ZC3H12B: variants seen among roughly 807,000 people sequenced by gnomAD.
The protein encoded by ZC3H12B is probable ribonuclease ZC3H12B.
In ZC3H12B, 7 loss-of-function variants were observed where a neutral mutation model predicts 43.9. That is an observed-to-expected ratio of 0.16 (90% CI 0.09 to 0.30). The LOEUF (loss-of-function observed/expected upper bound fraction) is 0.30, where lower values mean the gene tolerates loss of function less well. ZC3H12B is among the 10% of genes least tolerant of loss of function. ZC3H12B has a pLI of 1.00. For missense variants in ZC3H12B, 475 were observed against 670.2 expected (o/e 0.71, Z 3.22); for synonymous variants, 222 against 241.7 (o/e 0.92, Z 0.76).
chrX:65,044,742 C>T, the ZC3H12B span, among the ~76,000 whole-genome samples: 2 of 111,135 alleles, frequency 1.8e-5, no homozygotes, highest in Admixed American at 1.9e-4. Flanking sequence ...AGTCACACCT[C>T]AGATATTGCA....
the ZC3H12B span, among the ~76,000 whole-genome samples, chrX:65,181,882 C>A: frequency 8.9e-5 from 10 of 111,783 alleles, no homozygotes; most frequent in African/African-American, 2.9e-4. Flanking sequence ...TACCATATGA[C>A]CCAGCAATCT....
chrX:65,438,398 A>G (rs1408708171), intron 3 of ZC3H12B, among the ~76,000 whole-genome samples: 1 of 111,516 alleles, frequency 9.0e-6, no homozygotes, highest in Non-Finnish European at 1.9e-5. Flanking sequence ...TTCTTGCATC[A>G]ATGTTTTATA....
the ZC3H12B span, among the ~76,000 whole-genome samples, chrX:65,231,496 G>T: frequency 9.0e-6 from 1 of 110,598 alleles, no homozygotes; most frequent in African/African-American, 3.3e-5. Flanking sequence ...TATCTTAACC[G>T]CGTATCTCAA....
chrX:65,344,814 T>A, the ZC3H12B span, among the ~76,000 whole-genome samples: 1 of 112,346 alleles, frequency 8.9e-6, no homozygotes, highest in African/African-American at 3.2e-5. Context: ...AAACTATGCA[T>A]CTGACAAAGT....
At chrX:65,458,710 G>T (rs1018620776) in intron 3 of ZC3H12B, among the ~76,000 whole-genome samples, 1 of 111,874 alleles carries the variant, frequency 8.9e-6, no homozygotes, top group Non-Finnish European at 1.9e-5. Flanking sequence ...ATTCAAAACA[G>T]TGTGTAGAGG....
the ZC3H12B span, among the ~76,000 whole-genome samples, chrX:65,242,371 G>A: frequency 1.8e-5 from 2 of 111,466 alleles, no homozygotes; most frequent in African/African-American, 6.5e-5. Context: ...GAAAAACCAA[G>A]AAATTAATTT....
At chrX:65,064,004 T>C in the ZC3H12B span, among the ~76,000 whole-genome samples, 1 of 111,938 alleles carries the variant, frequency 8.9e-6, no homozygotes, top group Non-Finnish European at 1.9e-5. Context: ...TTTGGTGATA[T>C]CCCTTTTATC....
the ZC3H12B span, among the ~76,000 whole-genome samples, chrX:65,265,524 C>A: frequency 8.9e-6 from 1 of 111,761 alleles, no homozygotes; most frequent in Non-Finnish European, 1.9e-5. Context: ...CATTAGAGGT[C>A]TCATCTCATG....
At chrX:65,386,609 T>C (rs1378253442) in intron 2 of ZC3H12B, among the ~76,000 whole-genome samples, 3 of 111,640 alleles carry the variant, frequency 2.7e-5, no homozygotes, top group South Asian at 3.8e-4. Flanking sequence ...CCTGGTTTCA[T>C]TGATTTTTTG....
At chrX:65,328,274 C>T in the ZC3H12B span, 48 of 254,582 alleles carry the variant, frequency 1.9e-4, no homozygotes, top group African/African-American at 1.3e-3. Flanking sequence ...GGGTGCCCAA[C>T]ATTAAGTTGA....
At chrX:65,104,522 G>C in the ZC3H12B span, among the ~76,000 whole-genome samples, 1 of 111,504 alleles carries the variant, frequency 9.0e-6, no homozygotes, top group Non-Finnish European at 1.9e-5. Context: ...CGTTTGCAAA[G>C]GTTTGATATC....
chrX:65,108,971 G>A, the ZC3H12B span, among the ~76,000 whole-genome samples: 1 of 111,407 alleles, frequency 9.0e-6, no homozygotes, highest in Non-Finnish European at 1.9e-5. Flanking sequence ...ATGTAATGCT[G>A]ACTATACATA....
chrX:65,193,789 G>A, the ZC3H12B span, among the ~76,000 whole-genome samples: 1 of 111,603 alleles, frequency 9.0e-6, no homozygotes, highest in Non-Finnish European at 1.9e-5. Context: ...TCTTAGTGTT[G>A]CTTTCTCTAT....
At chrX:65,329,919 G>T in the ZC3H12B span, among the ~76,000 whole-genome samples, 12 of 111,025 alleles carry the variant, frequency 1.1e-4, no homozygotes, top group Non-Finnish European at 1.7e-4. Flanking sequence ...TCTCTGTTTT[G>T]GTACCAGTAC....
the ZC3H12B span, among the ~76,000 whole-genome samples, chrX:65,065,716 GATAAT>G: frequency 1.8e-5 from 2 of 111,270 alleles, no homozygotes; most frequent in Non-Finnish European, 3.8e-5. Context: ...AGTTCTCCTG[GATAAT>G]ATCTTGAAGT....
upstream of ZC3H12B, among the ~76,000 whole-genome samples, chrX:65,485,259 A>C (rs1287533734): frequency 8.9e-6 from 1 of 111,851 alleles, no homozygotes; most frequent in East Asian, 2.8e-4. Context: ...TAACAATTCT[A>C]TGTCTTGTTG....
the ZC3H12B span, among the ~76,000 whole-genome samples, chrX:65,171,731 C>G: frequency 2.8e-4 from 31 of 111,052 alleles, no homozygotes; most frequent in Non-Finnish European, 4.2e-4. Flanking sequence ...CTACTCAAGC[C>G]TCAGCAATGG....
chrX:65,121,002 A>C, the ZC3H12B span, among the ~76,000 whole-genome samples: 3 of 111,263 alleles, frequency 2.7e-5, no homozygotes, highest in African/African-American at 9.8e-5. Flanking sequence ...GATGAAGCCC[A>C]CTTGATCATG....
At chrX:65,135,474 C>G in the ZC3H12B span, among the ~76,000 whole-genome samples, 1 of 108,520 alleles carries the variant, frequency 9.2e-6, no homozygotes, top group Non-Finnish European at 1.9e-5. Context: ...TGGTTGTTTT[C>G]AGGATTTTTT....
Sources: gnomAD v4.1 joint callset for allele counts (sites outside exome capture counted in the v4.1 genomes callset) on GRCh38, gnomAD v4.1.1 for gene constraint, MANE v1.5 for transcripts, NCBI Gene and HGNC (gene_info 2026-07-23, HGNC 2026-07-21) for gene names.